The following TRPM6 variants were observed in gnomAD, a reference collection of about 807,000 sequenced individuals.
TRPM6 encodes transient receptor potential cation channel subfamily M member 6, also known as channel kinase 2.
In TRPM6, 111 loss-of-function variants were observed where a neutral mutation model predicts 247.6. That is an observed-to-expected ratio of 0.45 (90% CI 0.38 to 0.52). The LOEUF (loss-of-function observed/expected upper bound fraction) is 0.52. Ranked by LOEUF, TRPM6 falls within the 20% of genes least tolerant of loss-of-function variation. The pLI is 0.00. For synonymous variants in TRPM6, 892 were observed against 853.8 expected (o/e 1.04, Z -0.78); for missense variants, 2,126 against 2,421.5 (o/e 0.88, Z 2.56).
At chr9:74,825,619 G>T (rs112926122) in intron 7 of TRPM6, among the ~76,000 whole-genome samples, 11 of 152,140 alleles carry the variant, frequency 7.2e-5, no homozygotes, top group African/African-American at 2.2e-4. Flanking sequence ...AGGTTTCAAG[G>T]TCTTTGAAAG....
At chr9:74,799,382 T>C (rs1211983966) in intron 17 of TRPM6, among the ~76,000 whole-genome samples, 3 of 152,226 alleles carry the variant, frequency 2.0e-5, no homozygotes, top group South Asian at 2.1e-4. Context: ...AGACTTAGGT[T>C]TGATGTCAAA....
chr9:74,818,696 A>C (rs1311064572), intron 9 of TRPM6, among the ~76,000 whole-genome samples: 1 of 152,106 alleles, frequency 6.6e-6, no homozygotes, highest in Non-Finnish European at 1.5e-5. Context: ...CCACTGCCAT[A>C]CTGAACTCAC....
intron 20 of TRPM6, among the ~76,000 whole-genome samples, chr9:74,787,939 TCTC>T (rs1029403427): frequency 1.3e-5 from 2 of 152,218 alleles, no homozygotes; most frequent in African/African-American, 2.4e-5. Flanking sequence ...ATGGTCTCGA[TCTC>T]CTGACCTCGT....
At chr9:74,803,125 T>C (rs922144127) in intron 15 of TRPM6, among the ~76,000 whole-genome samples, 65 of 152,354 alleles carry the variant, frequency 4.3e-4, no homozygotes, top group African/African-American at 1.5e-3. Flanking sequence ...TCATTGATGA[T>C]GACCAAGAGT....
chr9:74,847,194 T>C (rs1165691245), intron 3 of TRPM6, among the ~76,000 whole-genome samples: 2 of 152,142 alleles, frequency 1.3e-5, no homozygotes, highest in Non-Finnish European at 2.9e-5. Context: ...CATTCTCACT[T>C]TTTAAAATTT....
chr9:74,776,818 A>G (rs573304009), intron 23 of TRPM6, among the ~76,000 whole-genome samples: 1 of 152,348 alleles, frequency 6.6e-6, no homozygotes, highest in Admixed American at 6.5e-5. Context: ...CCATCTTAAT[A>G]TTTTGCATAG....
In TRPM6 at chr9:74,723,794, T is replaced by A. The variant is rs898793231; in HGVS notation, c.*819A>T. 2.9e-5 allele frequency: 3 copies of A among 104,730 alleles called. No homozygotes were observed. The highest frequency in any genetic ancestry group is 3.7e-5 in the Non-Finnish European group (2 of 54,142). The allele number at this position is 104,730 out of a possible 1,614,324, so 6.5% of individuals were successfully genotyped here. On this transcript the variant is annotated 3_prime_UTR_variant, in exon 39 of 39. Transcript: ENST00000360774. Reference sequence around the variant, plus strand: ...CCTGGGTAAAAAGAGTGAAACTCCATCTCAAAAATAAAAATATATATATAT... The same window carrying A: ...CCTGGGTAAAAAGAGTGAAACTCCAACTCAAAAATAAAAATATATATATAT...
chr9:74,726,411 G>A (rs111393208), intron 38 of TRPM6, among the ~76,000 whole-genome samples: 2,711 of 152,270 alleles, frequency 0.018, 78 homozygotes, highest in African/African-American at 0.062. Flanking sequence ...TAGGGAGGCT[G>A]AGGCAGGAGA....
intron 3 of TRPM6, among the ~76,000 whole-genome samples, chr9:74,847,192 C>A (rs1587573735): frequency 6.6e-6 from 1 of 152,100 alleles, no homozygotes; most frequent in African/African-American, 2.4e-5. Flanking sequence ...AACATTCTCA[C>A]TTTTTAAAAT....
chr9:74,728,509 T>C (rs1825409331), intron 37 of TRPM6, among the ~76,000 whole-genome samples, 164 bp from the exon 38 acceptor site: 1 of 152,182 alleles, frequency 6.6e-6, no homozygotes. Flanking sequence ...GTTTGCAAAT[T>C]TAAAATTCAA....
intron 38 of TRPM6, among the ~76,000 whole-genome samples, chr9:74,727,317 G>C (rs1320876514): frequency 6.6e-6 from 1 of 151,090 alleles, no homozygotes; most frequent in Non-Finnish European, 1.5e-5. Flanking sequence ...GGTAGGCGGA[G>C]GTTGTAGTGA....
intron 38 of TRPM6, among the ~76,000 whole-genome samples, chr9:74,727,984 A>T (rs1350041283): frequency 6.6e-6 from 1 of 152,108 alleles, no homozygotes; most frequent in Non-Finnish European, 1.5e-5. Context: ...AGTCGGTGGA[A>T]CTTTTCTTTT....
At chr9:74,871,358 G>A (rs1162201017) in intron 1 of TRPM6, among the ~76,000 whole-genome samples, 1 of 152,070 alleles carries the variant, frequency 6.6e-6, no homozygotes, top group Non-Finnish European at 1.5e-5. Flanking sequence ...TGTGTTTACA[G>A]GTATATCCCC....
At chr9:74,803,739 G>T in intron 15 of TRPM6, 55 bp downstream of exon 15, 1 of 1,212,582 alleles carries the variant, frequency 8.2e-7, no homozygotes, top group Non-Finnish European at 1.2e-6. Context: ...TGAAGAAACA[G>T]TCTCGAGCTG....
intron 36 of TRPM6, 34 bp downstream of exon 36, chr9:74,738,373 T>A (rs1825758951): frequency 6.2e-7 from 1 of 1,611,024 alleles, no homozygotes; most frequent in South Asian, 1.1e-5. Context: ...CTTTGCCTCA[T>A]GCTTGTTGTA....
chr9:74,821,933 C>T, intron 7 of TRPM6, 96 bp from the exon 8 acceptor site: 1 of 1,378,340 alleles, frequency 7.3e-7, no homozygotes, highest in Non-Finnish European at 1.0e-6. Flanking sequence ...TCAATTACCA[C>T]CTATGTTCAT....
At chr9:74,740,109 A>C in intron 33 of TRPM6, 100 bp from the exon 34 acceptor site, 2 of 1,337,968 alleles carry the variant, frequency 1.5e-6, no homozygotes, top group African/African-American at 1.4e-5. Flanking sequence ...AGTTACCCAA[A>C]TGACCAGAGG....
At chr9:74,796,685 A>T in intron 18 of TRPM6, 56 bp downstream of exon 18, 1 of 1,572,026 alleles carries the variant, frequency 6.4e-7, no homozygotes, top group Non-Finnish European at 8.8e-7. Flanking sequence ...AAGGATGTGT[A>T]TATTTGCGTG....
chr9:74,813,102 T>A (rs1367847450), intron 11 of TRPM6, among the ~76,000 whole-genome samples: 1 of 152,234 alleles, frequency 6.6e-6, no homozygotes, highest in Non-Finnish European at 1.5e-5. Flanking sequence ...TTTTTGTTAC[T>A]TGTCATGTGT....
Sources: gnomAD v4.1 joint callset for allele counts (sites outside exome capture counted in the v4.1 genomes callset) on GRCh38, gnomAD v4.1.1 for gene constraint, MANE v1.5 for transcripts, NCBI Gene and HGNC (gene_info 2026-07-23, HGNC 2026-07-21) for gene names.